Variants in EFCAB11 observed in about 807,000 individuals in gnomAD.
EFCAB11 encodes the protein EF-hand calcium-binding domain-containing protein 11.
A neutral mutation model predicts 23.0 loss-of-function variants in EFCAB11; 14 were observed. The ratio of observed to expected loss-of-function variants is 0.61; its 90% CI spans 0.40 to 0.95. The LOEUF is 0.95. EFCAB11 is among the 40% of genes least tolerant of loss of function. The pLI is 0.00. For missense variants in EFCAB11, 198 were observed against 195.8 expected (o/e 1.01, Z -0.07); for synonymous variants, 65 against 66.6 (o/e 0.98, Z 0.11).
At chr14:89,835,289 A>T (rs1246029563) in intron 5 of EFCAB11, among the ~76,000 whole-genome samples, 1 of 152,212 alleles carries the variant, frequency 6.6e-6, no homozygotes, top group Non-Finnish European at 1.5e-5. Flanking sequence ...CTGGAACCAG[A>T]AGAGTTTCAG....
chr14:89,866,009 T>C lies in EFCAB11; in HGVS notation c.410+65532A>G, dbSNP rs372849450. ...CATGTTGCCCAGGCTGGTCTAAAAC[T>C]CCTGAGCTCAAGTGATCCGCCCACC... On this transcript the variant is annotated intron_variant, in intron 5 of 5. Transcript: ENST00000316738. 4.7e-4 allele frequency among the ~76,000 whole-genome samples: 71 copies of C among 152,070 alleles called. No homozygotes were observed. The South Asian group carries it at 0.014, about 29-fold the overall frequency.
At chr14:89,841,812 A>G (rs1184157648) in intron 5 of EFCAB11, among the ~76,000 whole-genome samples, 1 of 151,098 alleles carries the variant, frequency 6.6e-6, no homozygotes, top group East Asian at 2.0e-4. Flanking sequence ...TCTTATTCCA[A>G]CCCTCTGAGG....
chr14:89,952,457 A>C (rs1466021311), intron 2 of EFCAB11: 10 of 985,302 alleles, frequency 1.0e-5, no homozygotes, highest in Non-Finnish European at 1.2e-5. Flanking sequence ...CCTGCTTTGT[A>C]ATTCCAACTG....
At chr14:89,853,489 C>T (rs1305339879) in intron 5 of EFCAB11, among the ~76,000 whole-genome samples, 2 of 152,140 alleles carry the variant, frequency 1.3e-5, no homozygotes, top group Non-Finnish European at 2.9e-5. Context: ...TCATTTCATG[C>T]ACCAAGAAGC....
chr14:89,846,331 A>T (rs1887430827), intron 5 of EFCAB11, among the ~76,000 whole-genome samples: 1 of 152,246 alleles, frequency 6.6e-6, no homozygotes, highest in South Asian at 2.1e-4. Flanking sequence ...TTTCTTGGAC[A>T]CCAATGAAAG....
At chr14:89,931,485 T>C in intron 5 of EFCAB11, 56 bp downstream of exon 5, 2 of 1,463,110 alleles carry the variant, frequency 1.4e-6, no homozygotes, top group South Asian at 2.4e-5. Flanking sequence ...GTCAAAAACA[T>C]GTAAAAGCAA....
chr14:89,897,200 T>A (rs952019889), intron 5 of EFCAB11, among the ~76,000 whole-genome samples: 5 of 150,326 alleles, frequency 3.3e-5, no homozygotes, highest in Non-Finnish European at 7.4e-5. Context: ...TATATATGTA[T>A]ATGTGCATTT....
intron 5 of EFCAB11, among the ~76,000 whole-genome samples, chr14:89,893,874 CA>C (rs986759338): frequency 5.9e-5 from 9 of 151,296 alleles, no homozygotes; most frequent in Admixed American, 2.0e-4. Flanking sequence ...TAAAACTATA[CA>C]TACATATACA....
intron 5 of EFCAB11, among the ~76,000 whole-genome samples, chr14:89,862,527 T>C (rs115572242): frequency 9.5e-4 from 145 of 152,282 alleles, no homozygotes; most frequent in Middle Eastern, 3.4e-3. Context: ...ATTTTCCAAA[T>C]GGGAAATGAA....
intron 4 of EFCAB11, among the ~76,000 whole-genome samples, 184 bp from the exon 5 acceptor site, chr14:89,931,815 A>C: frequency 6.6e-6 from 1 of 152,206 alleles, no homozygotes; most frequent in South Asian, 2.1e-4. Context: ...GATTCTAATA[A>C]TACTTTCCTT....
At chr14:89,877,040 A>G (rs1214753710) in intron 5 of EFCAB11, among the ~76,000 whole-genome samples, 1 of 150,120 alleles carries the variant, frequency 6.7e-6, no homozygotes, top group African/African-American at 2.4e-5. Context: ...GTAGATGACC[A>G]AAAGTTTTTT....
intron 5 of EFCAB11, among the ~76,000 whole-genome samples, chr14:89,884,825 A>C (rs974095737): frequency 3.9e-5 from 6 of 152,168 alleles, no homozygotes; most frequent in African/African-American, 1.4e-4. Context: ...AGGTCATGAG[A>C]GTGGGACCAT....
chr14:89,806,014 C>G (rs1472672956), intron 5 of EFCAB11, among the ~76,000 whole-genome samples: 3 of 152,176 alleles, frequency 2.0e-5, no homozygotes, highest in Non-Finnish European at 4.4e-5. Context: ...CTTGCTGTAT[C>G]CAACAGAAAG....
intron 5 of EFCAB11, among the ~76,000 whole-genome samples, chr14:89,826,105 GCT>G (rs1886682234): frequency 6.6e-6 from 1 of 151,900 alleles, no homozygotes; most frequent in African/African-American, 2.4e-5. Context: ...ATATATGTAA[GCT>G]CTGTTATTAT....
At chr14:89,836,458 G>A (rs1357049185) in intron 5 of EFCAB11, 2 of 430,372 alleles carry the variant, frequency 4.6e-6, no homozygotes, top group South Asian at 1.7e-5. Flanking sequence ...TCTGCCCAGA[G>A]TGGTTGTTTG....
chr14:89,836,023 A>T (rs756092411), intron 5 of EFCAB11, among the ~76,000 whole-genome samples: 41 of 152,200 alleles, frequency 2.7e-4, no homozygotes, highest in Non-Finnish European at 5.4e-4. Flanking sequence ...TTTGCTAGGC[A>T]GGAGTGACGG....
chr14:89,798,922 G>A (rs1885670091), intron 5 of EFCAB11, among the ~76,000 whole-genome samples: 1 of 152,132 alleles, frequency 6.6e-6, no homozygotes, highest in South Asian at 2.1e-4. Flanking sequence ...GAGTAGCTAA[G>A]ACTACAGGCA....
intron 5 of EFCAB11, among the ~76,000 whole-genome samples, chr14:89,901,282 T>A (rs1889330170): frequency 6.6e-6 from 1 of 152,210 alleles, no homozygotes; most frequent in Non-Finnish European, 1.5e-5. Context: ...ATGTTAACAT[T>A]ACATATCACT....
At chr14:89,913,967 A>T (rs1889758216) in intron 5 of EFCAB11, among the ~76,000 whole-genome samples, 1 of 152,162 alleles carries the variant, frequency 6.6e-6, no homozygotes, top group Admixed American at 6.5e-5. Context: ...TGTATGCCGG[A>T]GACCCAGCAA....
Sources: gnomAD v4.1 joint callset for allele counts (sites outside exome capture counted in the v4.1 genomes callset) on GRCh38, gnomAD v4.1.1 for gene constraint, MANE v1.5 for transcripts, NCBI Gene and HGNC (gene_info 2026-07-23, HGNC 2026-07-21) for gene names.